The following ACER2 variants were observed in gnomAD, a reference collection of about 807,000 sequenced individuals.
The protein encoded by ACER2 is alkaline ceramidase 2.
In ACER2, 26 loss-of-function variants were observed where a neutral mutation model predicts 34.7. That is an observed-to-expected ratio of 0.75 (90% CI 0.55 to 1.04). The LOEUF is 1.04. ACER2 is among the 50% of genes least tolerant of loss of function. The probability of loss-of-function intolerance (pLI) is 0.00; values close to 1 mark genes in which losing one functional copy is unlikely to be tolerated. For synonymous variants in ACER2, 138 were observed against 132.1 expected (o/e 1.04, Z -0.31); for missense variants, 352 against 340.8 (o/e 1.03, Z -0.26).
In ACER2 at chr9:19,414,195, G is replaced by T. The variant is rs539137063; in HGVS notation, c.108+5003G>T. Among the ~76,000 whole-genome samples the T allele has an allele frequency of 2.4e-4, 36 of 152,296 alleles. No individual in the cohort carries two copies. The Middle Eastern group carries it at 0.017, about 72-fold the overall frequency. On this transcript the variant is annotated intron_variant, in intron 1 of 5. Transcript: ENST00000340967. ...GCCCCCTCAGTCCCAAGCAAACCACGACAGTTGGTCATCCCAGGGGCAGAA... is the reference window on the plus strand; with the variant it reads ...GCCCCCTCAGTCCCAAGCAAACCACTACAGTTGGTCATCCCAGGGGCAGAA...
chr9:19,434,665 C>T (rs1057186414), intron 3 of ACER2, among the ~76,000 whole-genome samples: 1 of 152,242 alleles, frequency 6.6e-6, no homozygotes, highest in Non-Finnish European at 1.5e-5. Context: ...TGCAGGCACT[C>T]CGCAGGCTGA....
chr9:19,438,993 G>T (rs1831058632), intron 4 of ACER2, among the ~76,000 whole-genome samples: 2 of 152,184 alleles, frequency 1.3e-5, no homozygotes, highest in Non-Finnish European at 2.9e-5. Context: ...AAGAGCAAAT[G>T]GAGGACACAA....
chr9:19,418,215 G>T (rs551693872), intron 1 of ACER2, among the ~76,000 whole-genome samples: 2 of 152,320 alleles, frequency 1.3e-5, no homozygotes, highest in South Asian at 4.1e-4. Context: ...TAGAGAGGAT[G>T]TGGAGAAATA....
chr9:19,422,394 TAGA>T (rs1314715034), intron 1 of ACER2, among the ~76,000 whole-genome samples: 1 of 152,042 alleles, frequency 6.6e-6, no homozygotes, highest in Non-Finnish European at 1.5e-5. Flanking sequence ...TTAAATAAGA[TAGA>T]TTATTAAAAT....
At chr9:19,409,466 A>C (rs901240022) in intron 1 of ACER2, among the ~76,000 whole-genome samples, 1 of 152,140 alleles carries the variant, frequency 6.6e-6, no homozygotes, top group Non-Finnish European at 1.5e-5. Context: ...CCACGCGTCC[A>C]GGAACCAGGG....
intron 3 of ACER2, among the ~76,000 whole-genome samples, chr9:19,425,880 AAG>A (rs1425669825): frequency 6.6e-6 from 1 of 152,218 alleles, no homozygotes; most frequent in Non-Finnish European, 1.5e-5. Context: ...GTGCCCATGG[AAG>A]AGTTATACCA....
At chr9:19,436,811 G>C (rs1248342018) in intron 4 of ACER2, among the ~76,000 whole-genome samples, 1 of 152,138 alleles carries the variant, frequency 6.6e-6, no homozygotes, top group Non-Finnish European at 1.5e-5. Context: ...GAACATCTTT[G>C]TGTATCTTTG....
chr9:19,424,209 A>G (rs919848325), intron 2 of ACER2, among the ~76,000 whole-genome samples: 31 of 152,228 alleles, frequency 2.0e-4, no homozygotes, highest in Admixed American at 1.6e-3. Context: ...TATTAGGGCT[A>G]TGCCAGTGCA....
At chr9:19,429,627 C>T (rs1225898027) in intron 3 of ACER2, among the ~76,000 whole-genome samples, 1 of 152,210 alleles carries the variant, frequency 6.6e-6, no homozygotes, top group Non-Finnish European at 1.5e-5. Context: ...CCACTGTGCC[C>T]AACCTTGTAT....
chr9:19,418,700 A>T (rs527839327), intron 1 of ACER2, among the ~76,000 whole-genome samples: 3 of 152,216 alleles, frequency 2.0e-5, no homozygotes, highest in South Asian at 4.1e-4. Flanking sequence ...TTTGAGGGGT[A>T]GAGGGCTAGG....
chr9:19,438,429 A>C lies in ACER2; in HGVS notation c.503+3345A>C, dbSNP rs116419213. Among the ~76,000 whole-genome samples, 154 of 152,240 alleles carry C rather than the reference A, an allele frequency of 1.0e-3. 1 individual carries two copies. Among genetic ancestry groups the C allele is most frequent in the African/African-American group, 3.5e-3 (147 of 41,526 alleles). Reference sequence around the variant, plus strand: ...TCTCCCTAATGTGCCTTGGGTGAAGATGTTAGTTGAAGTGACTTCTCTGCC... The same window carrying C: ...TCTCCCTAATGTGCCTTGGGTGAAGCTGTTAGTTGAAGTGACTTCTCTGCC... On this transcript the variant is annotated intron_variant, in intron 4 of 5. Coordinates refer to ENST00000340967, the MANE Select transcript of ACER2 (RefSeq NM_001010887.3).
intron 3 of ACER2, among the ~76,000 whole-genome samples, chr9:19,430,993 AAAC>A (rs201281494): frequency 6.8e-5 from 10 of 147,782 alleles, no homozygotes; most frequent in Middle Eastern, 3.4e-3. Flanking sequence ...CAACAAAACC[AAAC>A]AACAACAACA....
chr9:19,446,660 C>T, intron 5 of ACER2: 3 of 981,976 alleles, frequency 3.1e-6, no homozygotes, highest in Non-Finnish European at 2.4e-6. Context: ...GGTCTGCAGT[C>T]TTTTACCTCT....
intron 3 of ACER2, among the ~76,000 whole-genome samples, chr9:19,426,262 C>G (rs1830559470): frequency 6.7e-6 from 1 of 148,670 alleles, no homozygotes; most frequent in African/African-American, 2.5e-5. Flanking sequence ...ACATTAATCT[C>G]TTTCTTTCTT....
intron 1 of ACER2, chr9:19,409,710 A>G (rs1223313131): frequency 5.1e-6 from 5 of 981,932 alleles, no homozygotes; most frequent in East Asian, 1.1e-4. Flanking sequence ...CATGCCTATA[A>G]TGGTCGAGTT....
chr9:19,409,650 C>T (rs1000782582), intron 1 of ACER2: 2 of 767,732 alleles, frequency 2.6e-6, no homozygotes, highest in African/African-American at 1.9e-5. Context: ...CCCGCAGGTC[C>T]CCGCGGCTGG....
chr9:19,420,193 T>C (rs1830361124), intron 1 of ACER2, among the ~76,000 whole-genome samples: 1 of 152,234 alleles, frequency 6.6e-6, no homozygotes, highest in African/African-American at 2.4e-5. Flanking sequence ...TGAGACGTCC[T>C]CTAAGTGACC....
At position 19,451,627 on chromosome 9, in the gene ACER2, C is replaced by T. The variant is rs931436332; in HGVS notation, c.*991C>T. 2.6e-5 allele frequency: 4 copies of T among 152,342 alleles called. No homozygotes were observed. The highest frequency in any genetic ancestry group is 4.4e-5 in the Non-Finnish European group (3 of 68,060). The allele number at this position is 152,342 out of a possible 1,614,324, so 9.4% of individuals were successfully genotyped here. On this transcript the variant is annotated 3_prime_UTR_variant, in exon 6 of 6. Coordinates refer to ENST00000340967, the MANE Select transcript of ACER2 (RefSeq NM_001010887.3). ...CTTCCTCTTCCCCCTCCCACCCCAG[C>T]TCAGCAGCCTCAAATCTACAGAGAA...
intron 3 of ACER2, among the ~76,000 whole-genome samples, chr9:19,430,974 CAAAA>C (rs1160713684): frequency 1.3e-5 from 2 of 150,916 alleles, no homozygotes; most frequent in Admixed American, 6.6e-5. Flanking sequence ...AACAAAAAAA[CAAAA>C]AACCCAACAA....
Sources: gnomAD v4.1 joint callset for allele counts (sites outside exome capture counted in the v4.1 genomes callset) on GRCh38, gnomAD v4.1.1 for gene constraint, MANE v1.5 for transcripts, NCBI Gene and HGNC (gene_info 2026-07-23, HGNC 2026-07-21) for gene names.